JAK3: variants seen among roughly 807,000 people sequenced by gnomAD.
JAK3 encodes the protein tyrosine-protein kinase JAK3.
A neutral mutation model predicts 120.8 loss-of-function variants in JAK3; 88 were observed. The observed-to-expected ratio is 0.73, with a 90% CI of 0.61 to 0.87. The LOEUF (loss-of-function observed/expected upper bound fraction) is 0.87. JAK3 is among the 40% of genes least tolerant of loss of function. The pLI is 0.00. For synonymous variants in JAK3, 592 were observed against 628.6 expected, an observed-to-expected ratio of 0.94 and a Z score of 0.87; for missense variants, 1,254 against 1,501.4, an observed-to-expected ratio of 0.84 and a Z score of 2.72.
In JAK3 at chr19:17,842,437, GGATCCAGCCGCT is replaced by G. The variant is rs2094242114; in HGVS notation, c.728_739del (p.Glu243_Pro247delinsAla). On this transcript the variant is annotated inframe_deletion, in exon 6 of 24. Coordinates refer to ENST00000458235, the MANE Select transcript of JAK3 (RefSeq NM_000215.4). This position sits in a 1 kb window ranked among gnomAD's most constrained non-coding sequence, Gnocchi z 6.4. ...GTGGAAGGTCTCGGCGGCCCCGGCT[GGATCCAGCCGCT>G]CCAGGTCCATGATGTACTTGGCCAT... The G allele has an allele frequency of 1.3e-6, 2 of 1,587,478 alleles. No homozygotes were observed. Among genetic ancestry groups the G allele is most frequent in the Non-Finnish European group, 8.6e-7 (1 of 1,169,250 alleles).
rs1410561494 is a variant in JAK3 at position 17,842,943 on chromosome 19, T to C, written c.566+84A>G. 6 of 1,570,296 alleles carry C rather than the reference T, an allele frequency of 3.8e-6. No homozygotes were observed. The highest frequency in any genetic ancestry group is 1.1e-5 in the South Asian group (1 of 90,246). Reference sequence around the variant, plus strand: ...CCTGAAAGCTTGCAGGAGAACTCCATGGTGGGAGCCCGGCAAAGCCCCGAT... The same window carrying C: ...CCTGAAAGCTTGCAGGAGAACTCCACGGTGGGAGCCCGGCAAAGCCCCGAT... On this transcript the variant is annotated intron_variant, in intron 5 of 23. Coordinates refer to ENST00000458235, the MANE Select transcript of JAK3 (RefSeq NM_000215.4). This position sits in a 1 kb window ranked among gnomAD's most constrained non-coding sequence, Gnocchi z 6.4.
Position 17,843,562 on chromosome 19 carries a change from G to T in JAK3, c.309-71C>A. 8.1e-7 allele frequency: 1 copy of T among 1,241,182 alleles called. No individual in the cohort carries two copies. Among genetic ancestry groups the T allele is most frequent in the Non-Finnish European group, 1.2e-6 (1 of 857,748 alleles). 76.9% of individuals were successfully genotyped at this position (1,241,182 alleles called of 1,614,324 possible). The stretch of plus-strand genomic sequence containing the variant: ...TCAGTAGGAGTGACATTATGGTGGG[G>T]GCGAGGGACAGATTCTGCGGAGGCC... On this transcript the variant is annotated intron_variant, in intron 3 of 23. Transcript: ENST00000458235. The surrounding 1 kb of genome is among the most constrained non-coding windows in gnomAD (Gnocchi z 5.4).
At chr19:17,830,926 G>A (rs1200047346) in intron 21 of JAK3, among the ~76,000 whole-genome samples, 1 of 108,220 alleles carries the variant, frequency 9.2e-6, no homozygotes, top group African/African-American at 3.6e-5. Flanking sequence ...CTAAGAGGGG[G>A]CCAGCCCTGA....
rs202231447 is a variant in JAK3, at chr19:17,841,526, C to A, written c.1005G>T (p.Leu335=). Residue 335 remains leucine, a synonymous_variant, in exon 8 of 24, where the codon CTG becomes CTT. Transcript: ENST00000458235. This position sits in a 1 kb window ranked among gnomAD's most constrained non-coding sequence, Gnocchi z 4.1. ...NQILEAEFPG[L]PEALSFVALV... is the part of the protein sequence containing the mutation. ...GCGCCACGAACGACAGAGCCTCGGG[C>A]AGCCCTGGGAACTCGGCCTCCTGCG... 1 of 1,585,880 alleles carries A rather than the reference C, an allele frequency of 6.3e-7. No homozygotes were observed. The highest frequency in any genetic ancestry group is 8.6e-7 in the Non-Finnish European group (1 of 1,166,216).
Position 17,837,950 on chromosome 19 carries a change from C to T in JAK3, c.1683G>A (p.Lys561=), listed in dbSNP as rs2094228255. 6.2e-7 allele frequency: 1 copy of T among 1,614,124 alleles called. No individual in the cohort carries two copies. The highest frequency in any genetic ancestry group is 8.5e-7 in the Non-Finnish European group (1 of 1,180,016). The change falls in exon 12 of 24, where the codon AAG becomes AAA. Residue 561 remains lysine, a synonymous_variant. Transcript: ENST00000458235. ...CTCTCACCTCCATGCAGTTCTTGTG[C>T]TTGGCATCCATGACCTTCAGCAGCA... The part of the protein sequence containing the change: ...TEVLLKVMDA[K]HKNCMESFLE...
rs2094241983 is a variant in JAK3 at position 17,842,409 on chromosome 19, C to A, written c.768G>T (p.Val256=). 3 of 1,586,246 alleles carry A rather than the reference C, an allele frequency of 1.9e-6. No homozygotes were observed. Among genetic ancestry groups the A allele is most frequent in the Non-Finnish European group, 1.7e-6 (2 of 1,169,214 alleles). ...DPAGAAETFH[V]GLPGALGGHD... The stretch of plus-strand genomic sequence containing the variant: ...GGCCACCAAGGGCCCCAGGGAGGCC[C>A]ACGTGGAAGGTCTCGGCGGCCCCGG... The change falls in exon 6 of 24, where the codon GTG becomes GTT. Residue 256 remains valine (V), a synonymous_variant. Transcript: ENST00000458235. The surrounding 1 kb of genome is among the most constrained non-coding windows in gnomAD (Gnocchi z 6.4).
At position 17,841,803 on chromosome 19, in the gene JAK3, A is replaced by C. The variant is rs762525487; in HGVS notation, c.862-41T>G. 7 of 1,594,986 alleles carry C rather than the reference A, an allele frequency of 4.4e-6. No homozygotes were observed. Among genetic ancestry groups the C allele is most frequent in the Middle Eastern group, 3.8e-4 (2 of 5,206 alleles). On this transcript the variant is annotated intron_variant, in intron 6 of 23. Transcript: ENST00000458235. This position sits in a 1 kb window ranked among gnomAD's most constrained non-coding sequence, Gnocchi z 4.1. ...AGTACCGAAGTGGGGGCCCAGCTGG[A>C]CCCCGCCAAACCACGCCCATGAACC...
At chr19:17,829,404 C>T (rs1001268865) in intron 23 of JAK3, among the ~76,000 whole-genome samples, 19 of 152,226 alleles carry the variant, frequency 1.2e-4, no homozygotes, top group African/African-American at 4.6e-4. Context: ...GGTGATCTGA[C>T]CGCCTCAGCC....
At chr19:17,826,941 T>C (rs1199656435) in intron 23 of JAK3, 31 bp from the exon 24 acceptor site, 2 of 1,598,736 alleles carry the variant, frequency 1.3e-6, no homozygotes, top group South Asian at 2.2e-5. Context: ...AATGGGGTCG[T>C]GCCTGAGCAG....
intron 1 of JAK3, among the ~76,000 whole-genome samples, chr19:17,844,796 C>CAA (rs1227224590): frequency 2.2e-5 from 2 of 92,796 alleles, no homozygotes; most frequent in African/African-American, 7.9e-5. Flanking sequence ...GACTCTGTCT[C>CAA]AAAAAAAAAA....
rs1353891096 is a variant in JAK3, at chr19:17,842,749, A to C, written c.567-139T>G. 5 of 979,676 alleles carry C rather than the reference A, an allele frequency of 5.1e-6. No homozygotes were observed. The African/African-American group carries it at 8.2e-5, about 16-fold the overall frequency. The allele number at this position is 979,676 out of a possible 1,614,324, so 60.7% of individuals were successfully genotyped here. Reference sequence around the variant, plus strand: ...ACCAGGCACACACAGACTCTCATTCAGGGTCAGGTATGAGGACCGGACCTC... The same window carrying C: ...ACCAGGCACACACAGACTCTCATTCCGGGTCAGGTATGAGGACCGGACCTC... On this transcript the variant is annotated intron_variant, in intron 5 of 23. Coordinates refer to ENST00000458235, the MANE Select transcript of JAK3 (RefSeq NM_000215.4). This position sits in a 1 kb window ranked among gnomAD's most constrained non-coding sequence, Gnocchi z 6.4.
intron 10 of JAK3, chr19:17,839,106 T>C: frequency 5.2e-6 from 2 of 383,778 alleles, no homozygotes; most frequent in Admixed American, 3.5e-5. Context: ...CAGGGGGCTT[T>C]AATGAGCAAG....
chr19:17,839,447 C>T, intron 10 of JAK3, 30 bp downstream of exon 10: 1 of 1,550,548 alleles, frequency 6.4e-7, no homozygotes, highest in Non-Finnish European at 8.7e-7. Flanking sequence ...CCCAGATCAG[C>T]CACTCATTCC....
intron 1 of JAK3, among the ~76,000 whole-genome samples, chr19:17,844,914 C>T (rs1392123050): frequency 2.0e-5 from 3 of 152,112 alleles, no homozygotes; most frequent in African/African-American, 7.2e-5. Context: ...CCCGCTCGCT[C>T]ACTTGCCCTG....
At chr19:17,833,065 G>C in intron 17 of JAK3, 136 bp from the exon 18 acceptor site, 1 of 1,466,642 alleles carries the variant, frequency 6.8e-7, no homozygotes, top group Admixed American at 2.1e-5. Flanking sequence ...AAGCCAAAGG[G>C]TACCTTGTGG....
Position 17,842,279 on chromosome 19 carries a change from C to T in JAK3, c.861+37G>A, listed in dbSNP as rs3212728. The T allele has an allele frequency of 1.2e-3, 1,872 of 1,500,524 alleles. 30 individuals are homozygous for T. The African/African-American group carries it at 0.023, about 19-fold the overall frequency. The allele number at this position is 1,500,524 out of a possible 1,614,324, so 93.0% of individuals were successfully genotyped here. Reference sequence around the variant, plus strand: ...CCGGCCCCTCCCCGAGCCCCGCCCCCACGTTGGCCCCGCCCAGCGGGGGAG... The same window carrying T: ...CCGGCCCCTCCCCGAGCCCCGCCCCTACGTTGGCCCCGCCCAGCGGGGGAG... On this transcript the variant is annotated intron_variant, in intron 6 of 23. Transcript: ENST00000458235. The surrounding 1 kb of genome is among the most constrained non-coding windows in gnomAD (Gnocchi z 6.4).
At position 17,826,085 on chromosome 19, in the gene JAK3, A is replaced by C. The variant is rs2094203412; in HGVS notation, c.*658T>G. On this transcript the variant is annotated 3_prime_UTR_variant, in exon 24 of 24. Transcript: ENST00000458235. ...CTGTCTCTTAAAAATAATAATAATA[A>C]ATTTAAAAAAAAAAAAGCCTGGGTG... The C allele has an allele frequency of 8.0e-6, 1 of 124,648 alleles. No homozygotes were observed. The highest frequency in any genetic ancestry group is 2.0e-4 in the East Asian group (1 of 5,078). 7.7% of individuals were successfully genotyped at this position (124,648 alleles called of 1,614,324 possible).
chr19:17,835,789 C>T lies in JAK3; in HGVS notation c.1914+135G>A. The T allele has an allele frequency of 2.8e-6, 3 of 1,085,544 alleles. No individual in the cohort carries two copies. The South Asian group carries it at 4.0e-5, about 15-fold the overall frequency. The allele number at this position is 1,085,544 out of a possible 1,614,324, so 67.2% of individuals were successfully genotyped here. A position where few individuals can be genotyped will look rare whatever the true frequency, so the allele number is the denominator to read the frequency against. On this transcript the variant is annotated intron_variant, in intron 14 of 23. Transcript: ENST00000458235. Reference sequence around the variant, plus strand: ...TGTTCTCTTCTAGTGTTCTCACAACCTGAACCTAAAATGCCCTCCCCTCGA... The same window carrying T: ...TGTTCTCTTCTAGTGTTCTCACAACTTGAACCTAAAATGCCCTCCCCTCGA...
Position 17,844,255 on chromosome 19 carries a change from C to T in JAK3, c.163G>A (p.Val55Met), listed in dbSNP as rs749334592. The T allele has an allele frequency of 5.0e-6, 8 of 1,601,042 alleles. No individual in the cohort carries two copies. The highest frequency in any genetic ancestry group is 1.1e-5 in the South Asian group (1 of 89,162). ...TCACCGCTGGCCTTGGCAGCCTGCA[C>T]GCACAGGTCCTCAGCCAAGTGGTCC... ...FGDHLAEDLC[V>M]QAAKASGILP... is the part of the protein sequence containing the mutation. Residue 55 changes from valine to methionine, a missense_variant, in exon 2 of 24, where the codon GTG becomes ATG. Transcript: ENST00000458235.
Sources: gnomAD v4.1 joint callset for allele counts (sites outside exome capture counted in the v4.1 genomes callset) on GRCh38, gnomAD v4.1.1 for gene constraint, Gnocchi (gnomAD v3.1) non-coding constraint, MANE v1.5 for transcripts, NCBI Gene and HGNC (gene_info 2026-07-23, HGNC 2026-07-21) for gene names.